The following UGT8 variants were observed in gnomAD, a reference collection of about 807,000 sequenced individuals.
UGT8 encodes the protein UDP glycosyltransferase 8.
Under a neutral mutation model 40.5 loss-of-function variants are expected in UGT8, and 12 were observed. The ratio of observed to expected loss-of-function variants is 0.30; its 90% CI spans 0.19 to 0.48. UGT8 has a LOEUF of 0.48. UGT8 is among the 20% of genes least tolerant of loss of function. The pLI, the probability that UGT8 is intolerant of heterozygous loss-of-function variation, is 0.99. For synonymous variants in UGT8, 224 were observed against 240.4 expected, an observed-to-expected ratio of 0.93 and a Z score of 0.63; for missense variants, 513 against 648.7, an observed-to-expected ratio of 0.79 and a Z score of 2.27.
Position 114,676,382 on chromosome 4 carries a change from T to A in UGT8, c.*94T>A. 1 of 1,069,006 alleles carries A rather than the reference T, an allele frequency of 9.4e-7. No individual in the cohort carries two copies. Among genetic ancestry groups the A allele is most frequent in the Non-Finnish European group, 1.3e-6 (1 of 744,768 alleles). 66.2% of individuals were successfully genotyped at this position (1,069,006 alleles called of 1,614,324 possible). On this transcript the variant is annotated 3_prime_UTR_variant, in exon 6 of 6. Coordinates refer to ENST00000310836, the MANE Select transcript of UGT8 (RefSeq NM_001128174.3). ...ACAGCTACTAAAAGTAAAACATCAG[T>A]AAACAATTCTAACATGCCCTTATGA...
chr4:114,603,877 C>G (rs1022586966), intron 1 of UGT8, among the ~76,000 whole-genome samples: 1 of 152,192 alleles, frequency 6.6e-6, no homozygotes, highest in Non-Finnish European at 1.5e-5. Flanking sequence ...GGTCCGTAGT[C>G]ATTTTTGCTT....
chr4:114,646,647 C>T (rs1733590518), intron 2 of UGT8, among the ~76,000 whole-genome samples: 1 of 152,256 alleles, frequency 6.6e-6, no homozygotes, highest in Admixed American at 6.5e-5. Context: ...CAATGGACAC[C>T]TTGGATAGGG....
chr4:114,640,132 G>A (rs374793041), intron 2 of UGT8, among the ~76,000 whole-genome samples: 191 of 147,984 alleles, frequency 1.3e-3, no homozygotes, highest in African/African-American at 4.4e-3. Flanking sequence ...CCGGGTTCAC[G>A]CCATTCTCCT....
rs138265525 is a variant in UGT8 at position 114,647,914 on chromosome 4, G to A, written c.823-16081G>A. ...CTTGACGGTTAATTGACATAACTGT[G>A]GAAGAAATTTTGTGAACATAGATAG... is the stretch of plus-strand genomic sequence containing the variant. On this transcript the variant is annotated intron_variant, in intron 2 of 5. Coordinates refer to ENST00000310836, the MANE Select transcript of UGT8 (RefSeq NM_001128174.3). Among the ~76,000 whole-genome samples the A allele has an allele frequency of 5.3e-5, 8 of 152,196 alleles. No individual in the cohort carries two copies. The East Asian group carries it at 1.5e-3, about 29-fold the overall frequency.
intron 5 of UGT8, among the ~76,000 whole-genome samples, chr4:114,671,008 C>T (rs1034811117): frequency 1.3e-5 from 2 of 152,108 alleles, no homozygotes; most frequent in East Asian, 1.9e-4. Flanking sequence ...CATTCTTTTA[C>T]ACCAACAATA....
At chr4:114,673,474 A>G (rs1041084527) in intron 5 of UGT8, among the ~76,000 whole-genome samples, 1 of 152,208 alleles carries the variant, frequency 6.6e-6, no homozygotes, top group African/African-American at 2.4e-5. Flanking sequence ...TGTTCAGATA[A>G]GCTGAGTCAG....
At chr4:114,656,786 T>C (rs1311997254) in intron 2 of UGT8, 3 of 524,044 alleles carry the variant, frequency 5.7e-6, no homozygotes, top group African/African-American at 1.9e-5. Context: ...GATAAAATAT[T>C]GGTACCTGAT....
At chr4:114,670,587 C>T (rs6846996) in intron 5 of UGT8, among the ~76,000 whole-genome samples, 92,876 of 151,898 alleles carry the variant, frequency 0.61, 30,669 homozygotes, top group East Asian at 0.81. Flanking sequence ...TCAATAGATG[C>T]AGAAAAGCCT....
intron 1 of UGT8, among the ~76,000 whole-genome samples, chr4:114,614,795 T>G (rs1213798255): frequency 1.3e-5 from 2 of 151,878 alleles, no homozygotes; most frequent in Non-Finnish European, 2.9e-5. Context: ...CTGAGTTCTC[T>G]CTGTGTAAGG....
chr4:114,642,280 T>C (rs996071823), intron 2 of UGT8, among the ~76,000 whole-genome samples: 1 of 152,160 alleles, frequency 6.6e-6, no homozygotes, highest in African/African-American at 2.4e-5. Context: ...TTCTCATTTT[T>C]AAGGGAAACG....
chr4:114,619,369 T>G (rs2126095052), intron 1 of UGT8: 1 of 152,244 alleles, frequency 6.6e-6, no homozygotes, highest in Non-Finnish European at 1.5e-5. Flanking sequence ...TTATTGTGAA[T>G]GAAGTATTTT....
At chr4:114,615,837 T>C (rs958276679) in intron 1 of UGT8, among the ~76,000 whole-genome samples, 1 of 152,186 alleles carries the variant, frequency 6.6e-6, no homozygotes, top group African/African-American at 2.4e-5. Flanking sequence ...GTCTTTCGTC[T>C]TTTTGGCTAT....
chr4:114,667,471 T>A lies in UGT8; in HGVS notation c.1043-614T>A, dbSNP rs140820727. ...TTTTATTCCCATAACAACTAAATGTTATGTGATGTCTCATGTCTTACAAAT... is the reference window on the plus strand; with the variant it reads ...TTTTATTCCCATAACAACTAAATGTAATGTGATGTCTCATGTCTTACAAAT... On this transcript the variant is annotated intron_variant, in intron 4 of 5. Transcript: ENST00000310836. Among the ~76,000 whole-genome samples, 1,100 of 152,308 alleles carry A rather than the reference T, an allele frequency of 7.2e-3. 16 individuals are homozygous for A. The highest frequency in any genetic ancestry group is 0.025 in the African/African-American group (1,019 of 41,568).
Position 114,675,932 on chromosome 4 carries a change from C to G in UGT8, c.1270C>G (p.Gln424Glu). 6.2e-7 allele frequency: 1 copy of G among 1,611,726 alleles called. No individual in the cohort carries two copies. The highest frequency in any genetic ancestry group is 2.2e-5 in the East Asian group (1 of 44,828). The change falls in exon 6 of 6, where the codon CAG becomes GAG. Residue 424 changes from glutamine (Q) to glutamate (E), a missense_variant. By Grantham distance (29) the Gln-to-Glu change is conservative. This residue lies in a region of UGT8 where 175 missense variants were observed against 186.7 expected (regional missense o/e 0.94). Transcript: ENST00000310836. ...TTTGTCCCCTCTCCATAGCTACCGT[C>G]AGAGGGCTCAGAAGCTTTCGGAAAT... is the stretch of plus-strand genomic sequence containing the variant. Reference protein sequence around the residue: ...VKVINNPSYRQRAQKLSEIHK... With the variant: ...VKVINNPSYRERAQKLSEIHK...
At chr4:114,620,756 A>G (rs1266656133) in intron 1 of UGT8, among the ~76,000 whole-genome samples, 1 of 152,166 alleles carries the variant, frequency 6.6e-6, no homozygotes, top group East Asian at 1.9e-4. Context: ...CAATCTTGTT[A>G]TTGGAAGAAT....
At chr4:114,618,493 C>T (rs1024267957) in intron 1 of UGT8, among the ~76,000 whole-genome samples, 8 of 152,162 alleles carry the variant, frequency 5.3e-5, no homozygotes, top group Non-Finnish European at 8.8e-5. Context: ...TTTCAGAACT[C>T]ATGTGTATTT....
chr4:114,643,396 CAGA>C (rs1271749295), intron 2 of UGT8, among the ~76,000 whole-genome samples: 2 of 152,024 alleles, frequency 1.3e-5, no homozygotes, highest in Non-Finnish European at 2.9e-5. Context: ...ATATAGTAAC[CAGA>C]AGAAGTTGTT....
chr4:114,657,109 C>T (rs544581029), intron 2 of UGT8, among the ~76,000 whole-genome samples: 11 of 151,816 alleles, frequency 7.2e-5, no homozygotes, highest in African/African-American at 2.7e-4. Context: ...GTTTCACCTC[C>T]GTTTATTATT....
intron 2 of UGT8, among the ~76,000 whole-genome samples, chr4:114,633,805 G>A (rs6853341): frequency 0.18 from 27,036 of 152,026 alleles, 2,599 homozygotes; most frequent in Middle Eastern, 0.22. Context: ...TTAGCCAAGC[G>A]TGGTGGTGTG....
Sources: allele counts gnomAD v4.1 joint callset (sites outside exome capture counted in the v4.1 genomes callset), GRCh38; gene constraint gnomAD v4.1.1; regional missense constraint gnomAD v4.1.1; transcripts MANE v1.5; gene names NCBI Gene and HGNC (gene_info 2026-07-23, HGNC 2026-07-21).